MMAB: variants seen among roughly 807,000 people sequenced by gnomAD.
MMAB encodes the protein metabolism of cobalamin associated B.
Under a neutral mutation model 30.6 loss-of-function variants are expected in MMAB, and 17 were observed. The observed-to-expected ratio is 0.56, with a 90% CI of 0.38 to 0.83. The LOEUF is 0.83. Among genes scored for constraint, MMAB ranks in the 40% least tolerant of loss-of-function variants. The pLI, the probability that MMAB is intolerant of heterozygous loss-of-function variation, is 0.00. For missense variants in MMAB, 311 were observed against 331.6 expected, an observed-to-expected ratio of 0.94 and a Z score of 0.48; for synonymous variants, 134 against 138.6, an observed-to-expected ratio of 0.97 and a Z score of 0.23.
In MMAB at chr12:109,561,760, C is replaced by A; in HGVS notation, c.421+20G>T. 6.3e-7 allele frequency: 1 copy of A among 1,598,420 alleles called. No homozygotes were observed. The highest frequency in any genetic ancestry group is 8.5e-7 in the Non-Finnish European group (1 of 1,171,290). ...CTGACCCTAGGGCCCTCTGAACACC[C>A]ACAGGAGTTTGAGAATTACTTAAGT... is the stretch of plus-strand genomic sequence containing the variant. On this transcript the variant is annotated intron_variant, in intron 5 of 8. Transcript: ENST00000545712. This position sits in a 1 kb window ranked among gnomAD's most constrained non-coding sequence, Gnocchi z 5.3.
chr12:109,570,464 C>T (rs1884593371), intron 2 of MMAB, among the ~76,000 whole-genome samples: 1 of 152,134 alleles, frequency 6.6e-6, no homozygotes, highest in Non-Finnish European at 1.5e-5. Flanking sequence ...TTAAGTTTAC[C>T]ATTCAGTGGC....
At chr12:109,571,604 A>C in intron 2 of MMAB, 45 bp downstream of exon 2, 1 of 1,545,614 alleles carries the variant, frequency 6.5e-7, no homozygotes, top group Non-Finnish European at 8.9e-7. Flanking sequence ...AAAATGGTGT[A>C]TGCCATGAGT....
rs1488879972 is a variant in MMAB, at chr12:109,569,293, T to A, written c.197-430A>T. Among the ~76,000 whole-genome samples, 1 of 152,142 alleles carries A rather than the reference T, an allele frequency of 6.6e-6. No individual in the cohort carries two copies. Among genetic ancestry groups the A allele is most frequent in the Non-Finnish European group, 1.5e-5 (1 of 68,042 alleles). On this transcript the variant is annotated intron_variant, in intron 2 of 8. Transcript: ENST00000545712. The surrounding 1 kb of genome is among the most constrained non-coding windows in gnomAD (Gnocchi z 4.1). ...ATATAGCATATACACAGAAAAGTGCTCAAATCGTAAGTGTGCAAGTTGGTG... is the reference window on the plus strand; with the variant it reads ...ATATAGCATATACACAGAAAAGTGCACAAATCGTAAGTGTGCAAGTTGGTG...
chr12:109,568,681 C>T, intron 3 of MMAB, 89 bp downstream of exon 3: 1 of 1,039,636 alleles, frequency 9.6e-7, no homozygotes, highest in Non-Finnish European at 1.5e-6. Context: ...TCCGAGGCTG[C>T]TGCCCAGCAT....
In MMAB at chr12:109,561,935, G is replaced by T; in HGVS notation, c.349-83C>A. 1 of 1,220,186 alleles carries T rather than the reference G, an allele frequency of 8.2e-7. No homozygotes were observed. The highest frequency in any genetic ancestry group is 1.2e-6 in the Non-Finnish European group (1 of 848,980). The allele number at this position is 1,220,186 out of a possible 1,614,324, so 75.6% of individuals were successfully genotyped here. A position where few individuals can be genotyped will look rare whatever the true frequency, so the allele number is the denominator to read the frequency against. On this transcript the variant is annotated intron_variant, in intron 4 of 8. Coordinates refer to ENST00000545712, the MANE Select transcript of MMAB (RefSeq NM_052845.4). The surrounding 1 kb of genome is among the most constrained non-coding windows in gnomAD (Gnocchi z 5.3). ...AATGTGCAGAGGCGCCACCTAATAC[G>T]CCGGCAAAGCCTGTGCCAGCTAGCT...
intron 8 of MMAB, among the ~76,000 whole-genome samples, chr12:109,557,711 G>A (rs1389714667): frequency 6.6e-6 from 1 of 152,190 alleles, no homozygotes; most frequent in African/African-American, 2.4e-5. Flanking sequence ...AGCACCTTTG[G>A]TCTCCACCCA....
rs1355469562 is a variant in MMAB, at chr12:109,553,810, T to C, written c.*3218A>G. On this transcript the variant is annotated 3_prime_UTR_variant, in exon 9 of 9. Transcript: ENST00000545712. ...TTCTTAAAGGTTCAGTAGTGATCAC[T>C]GGGACAGGGCGATCATAAAACTGAA... 3 of 452,164 alleles carry C rather than the reference T, an allele frequency of 6.6e-6. No homozygotes were observed. Among genetic ancestry groups the C allele is most frequent in the Non-Finnish European group, 1.3e-5 (3 of 225,208 alleles). 28.0% of individuals were successfully genotyped at this position (452,164 alleles called of 1,614,324 possible). A position where few individuals can be genotyped will look rare whatever the true frequency, so the allele number is the denominator to read the frequency against.
At chr12:109,565,955 C>T (rs942767940) in intron 3 of MMAB, among the ~76,000 whole-genome samples, 3 of 152,070 alleles carry the variant, frequency 2.0e-5, no homozygotes, top group Non-Finnish European at 2.9e-5. Context: ...GACAGTGGCG[C>T]GCTGCAGGGA....
chr12:109,556,171 C>G lies in MMAB; in HGVS notation c.*857G>C, dbSNP rs877710. On this transcript the variant is annotated 3_prime_UTR_variant, in exon 9 of 9. Transcript: ENST00000545712. ...ACTGAAATAAATACAGCCGTGGCAC[C>G]GATCTCAGAGGCATAAGCCAGCCAA... is the stretch of plus-strand genomic sequence containing the variant. The G allele has an allele frequency of 0.53, 238,291 of 453,090 alleles. 65,031 individuals are homozygous for G. Among genetic ancestry groups the G allele is most frequent in the African/African-American group, 0.73 (36,267 of 50,008 alleles). 28.1% of individuals were successfully genotyped at this position (453,090 alleles called of 1,614,324 possible).
At chr12:109,568,923 T>G in intron 2 of MMAB, 60 bp from the exon 3 acceptor site, 3 of 1,224,072 alleles carry the variant, frequency 2.5e-6, no homozygotes, top group African/African-American at 1.5e-5. Context: ...TATGCTGTTT[T>G]TTTTTTTTTA....
In MMAB at chr12:109,555,991, G is replaced by A. The variant is rs954546247; in HGVS notation, c.*1037C>T. The A allele has an allele frequency of 2.6e-5, 12 of 453,972 alleles. 1 individual carries two copies. The Middle Eastern group carries it at 2.0e-3, about 77-fold the overall frequency. 28.1% of individuals were successfully genotyped at this position (453,972 alleles called of 1,614,324 possible). A position where few individuals can be genotyped will look rare whatever the true frequency, so the allele number is the denominator to read the frequency against. ...GCATTTCAGCCCTGAAACTGGACAA[G>A]AGCCTGCCCTTCCAAAGTCATTTCC... On this transcript the variant is annotated 3_prime_UTR_variant, in exon 9 of 9. Coordinates refer to ENST00000545712, the MANE Select transcript of MMAB (RefSeq NM_052845.4).
rs149948743 is a variant in MMAB, at chr12:109,554,641, C to T, written c.*2387G>A. The T allele has an allele frequency of 2.4e-5, 11 of 454,122 alleles. No homozygotes were observed. The highest frequency in any genetic ancestry group is 6.0e-5 in the African/African-American group (3 of 50,128). The allele number at this position is 454,122 out of a possible 1,614,324, so 28.1% of individuals were successfully genotyped here. A position where few individuals can be genotyped will look rare whatever the true frequency, so the allele number is the denominator to read the frequency against. On this transcript the variant is annotated 3_prime_UTR_variant, in exon 9 of 9. Coordinates refer to ENST00000545712, the MANE Select transcript of MMAB (RefSeq NM_052845.4). ...GCAAACACTGGGGCAGCGGGGGCTT[C>T]GCAGTCACATTTCCTGACTGTAGGG...
chr12:109,566,053 G>A (rs111772386), intron 3 of MMAB, among the ~76,000 whole-genome samples: 4 of 152,174 alleles, frequency 2.6e-5, no homozygotes, highest in African/African-American at 4.8e-5. Context: ...GGCAAGGGTC[G>A]GGGAAGGTAC....
chr12:109,559,038 A>G lies in MMAB; in HGVS notation c.644+58T>C, dbSNP rs142526000. On this transcript the variant is annotated intron_variant, in intron 8 of 8. Coordinates refer to ENST00000545712, the MANE Select transcript of MMAB (RefSeq NM_052845.4). ...CTTCCCGGACCGCTGCACCGCTGCT[A>G]CTTCCCACAGATGAGCCTCGGCTTT... 4.9e-4 allele frequency: 657 copies of G among 1,338,700 alleles called. 2 individuals carry two copies. The African/African-American group carries it at 8.0e-3, about 16-fold the overall frequency. 82.9% of individuals were successfully genotyped at this position (1,338,700 alleles called of 1,614,324 possible).
At chr12:109,565,960 C>T (rs1884408239) in intron 3 of MMAB, among the ~76,000 whole-genome samples, 1 of 152,130 alleles carries the variant, frequency 6.6e-6, no homozygotes, top group Admixed American at 6.5e-5. Context: ...TGGCGCGCTG[C>T]AGGGATTCCT....
In MMAB at chr12:109,561,316, G is replaced by A. The variant is rs766992122; in HGVS notation, c.519+104C>T. ...CCTGGAGGGACTTGGGGAACTGGAG[G>A]ACAGCGTCTGTCACTGTGAAAAGAG... On this transcript the variant is annotated intron_variant, in intron 6 of 8. Transcript: ENST00000545712. The surrounding 1 kb of genome is among the most constrained non-coding windows in gnomAD (Gnocchi z 5.3). The A allele has an allele frequency of 6.5e-7, 1 of 1,548,470 alleles. No homozygotes were observed. The highest frequency in any genetic ancestry group is 8.7e-7 in the Non-Finnish European group (1 of 1,153,492).
In MMAB at chr12:109,573,423, C is replaced by T; in HGVS notation, c.58G>A (p.Gly20Arg). 3 of 1,609,912 alleles carry T rather than the reference C, an allele frequency of 1.9e-6. No homozygotes were observed. The highest frequency in any genetic ancestry group is 1.7e-4 in the Middle Eastern group (1 of 5,870). The stretch of plus-strand genomic sequence containing the variant: ...AGGAGCCTGGCGGCGCCGAAGCACC[C>T]GCGCAGGCCAAGACGGCTCCCCAGG... The part of the protein sequence containing the change: ...LGLGSRLGLR[G>R]CFGAARLLYP... Residue 20 changes from glycine to arginine, a missense_variant, in exon 1 of 9, where the codon GGG becomes AGG. Gly to Arg is a moderately radical substitution (Grantham distance 125, BLOSUM62 -2). Coordinates refer to ENST00000545712, the MANE Select transcript of MMAB (RefSeq NM_052845.4).
chr12:109,554,897 C>A lies in MMAB; in HGVS notation c.*2131G>T. The stretch of plus-strand genomic sequence containing the variant: ...AACACCTGCTGAGTGGTGGCATCTG[C>A]CCTGCACCCAGGTGGTTTCTCAGAG... On this transcript the variant is annotated 3_prime_UTR_variant, in exon 9 of 9. Transcript: ENST00000545712. 2.2e-6 allele frequency: 1 copy of A among 454,128 alleles called. No homozygotes were observed. The highest frequency in any genetic ancestry group is 1.6e-5 in the South Asian group (1 of 64,476). The allele number at this position is 454,128 out of a possible 1,614,324, so 28.1% of individuals were successfully genotyped here.
rs1229674499 is a variant in MMAB at position 109,555,240 on chromosome 12, C to A, written c.*1788G>T. On this transcript the variant is annotated 3_prime_UTR_variant, in exon 9 of 9. Coordinates refer to ENST00000545712, the MANE Select transcript of MMAB (RefSeq NM_052845.4). Reference sequence around the variant, plus strand: ...ATTCGCTGCAAGCTCTTTGAACATACTCCCTGACCGAGCCTTAGTGATTGC... The same window carrying A: ...ATTCGCTGCAAGCTCTTTGAACATAATCCCTGACCGAGCCTTAGTGATTGC... The A allele has an allele frequency of 6.7e-6, 3 of 449,084 alleles. No individual in the cohort carries two copies. Among genetic ancestry groups the A allele is most frequent in the Non-Finnish European group, 1.3e-5 (3 of 226,112 alleles). The allele number at this position is 449,084 out of a possible 1,614,324, so 27.8% of individuals were successfully genotyped here.
Sources: gnomAD v4.1 joint callset for allele counts (sites outside exome capture counted in the v4.1 genomes callset) on GRCh38, gnomAD v4.1.1 for gene constraint, Gnocchi (gnomAD v3.1) non-coding constraint, MANE v1.5 for transcripts, NCBI Gene and HGNC (gene_info 2026-07-23, HGNC 2026-07-21) for gene names.